MAGED1: variants seen among roughly 807,000 people sequenced by gnomAD.
MAGED1 encodes the protein MAGE family member D1.
MAGED1 carries 3 observed loss-of-function variants against 54.1 expected under a neutral mutation model. That is an observed-to-expected ratio of 0.06 (90% CI 0.03 to 0.14). MAGED1 has a LOEUF of 0.14. Ranked by LOEUF, MAGED1 falls within the 10% of genes least tolerant of loss-of-function variation. The probability of loss-of-function intolerance (pLI) is 1.00; values close to 1 mark genes in which losing one functional copy is unlikely to be tolerated. For synonymous variants in MAGED1, 217 were observed against 227.3 expected (o/e 0.95, Z 0.41); for missense variants, 485 against 623.4 (o/e 0.78, Z 2.36).
chrX:51,873,534 T>TGAGAGA lies in MAGED1; in HGVS notation c.-36-20714_-36-20709dup, dbSNP rs34476955. On this transcript the variant is annotated intron_variant, in intron 1 of 12. Coordinates refer to the MAGED1 transcript ENST00000375772. ...TAGACTGTGTGTGTGTGTGTGTGTG[T>TGAGAGA]GAGAGAGAGAGAGAGAGAGAGAGAG... 9.7e-3 allele frequency among the ~76,000 whole-genome samples: 882 copies of TGAGAGA among 90,516 alleles called. 16 individuals are homozygous for TGAGAGA. The highest frequency in any genetic ancestry group is 0.041 in the Admixed American group (327 of 7,931). The allele number at this position is 90,516 out of a possible 115,157, so 78.6% of individuals were successfully genotyped here. A position where few individuals can be genotyped will look rare whatever the true frequency, so the allele number is the denominator to read the frequency against.
Position 51,853,483 on chromosome X carries a change from C to A in MAGED1, c.-36-40786C>A, listed in dbSNP as rs893663. 2.7e-5 allele frequency among the ~76,000 whole-genome samples: 3 copies of A among 111,157 alleles called. No homozygotes were observed. In the South Asian group the frequency reaches 1.2e-3, roughly 43 times the overall value. Reference sequence around the variant, plus strand: ...GGGGTAGCCCTTTGAGGTCCCAGCTCATTGTTGGGAATGTCTCCTCTTAGT... The same window carrying A: ...GGGGTAGCCCTTTGAGGTCCCAGCTAATTGTTGGGAATGTCTCCTCTTAGT... On this transcript the variant is annotated intron_variant, in intron 1 of 12. Coordinates refer to the MAGED1 transcript ENST00000375772.
chrX:51,824,702 C>CGCTG (rs1925768729), intron 1 of MAGED1, among the ~76,000 whole-genome samples: 1 of 50,338 alleles, frequency 2.0e-5, no homozygotes, highest in South Asian at 1.3e-3. Context: ...TTTATATTGT[C>CGCTG]TCTGTGTGTG....
At chrX:51,819,567 G>T (rs782431609) in intron 1 of MAGED1, among the ~76,000 whole-genome samples, 1 of 110,747 alleles carries the variant, frequency 9.0e-6, no homozygotes, top group African/African-American at 3.3e-5. Flanking sequence ...GATGTTGAAC[G>T]TATTTCCATG....
At chrX:51,898,831 C>G in intron 10 of MAGED1, 188 bp downstream of exon 10, 1 of 382,886 alleles carries the variant, frequency 2.6e-6, no homozygotes, top group Non-Finnish European at 4.4e-6. Flanking sequence ...AACGAAACCC[C>G]ATCTCTACAA....
At chrX:51,813,975 T>C (rs181046771) in intron 1 of MAGED1, among the ~76,000 whole-genome samples, 35 of 111,356 alleles carry the variant, frequency 3.1e-4, no homozygotes, top group Non-Finnish European at 1.1e-4. Flanking sequence ...GGATCATGTG[T>C]CTCAGCCCAG....
chrX:51,897,893 TG>T lies in MAGED1; in HGVS notation c.1658+10del. ...TGGCTGGCATACTGGGAACGTAAGATGGGAAAGAAGGTGGAACATGGCCTTT... is the reference window on the plus strand; with the variant it reads ...TGGCTGGCATACTGGGAACGTAAGATGGAAAGAAGGTGGAACATGGCCTTT... On this transcript the variant is annotated splice_region_variant and intron_variant, in intron 7 of 12. Transcript: ENST00000326587. 1 of 1,168,616 alleles carries T rather than the reference TG, an allele frequency of 8.6e-7. No homozygotes were observed. The highest frequency in any genetic ancestry group is 1.2e-6 in the Non-Finnish European group (1 of 858,579).
At chrX:51,897,732 T>C in intron 6 of MAGED1, 63 bp from the exon 7 acceptor site, 1 of 1,057,143 alleles carries the variant, frequency 9.5e-7, no homozygotes, top group Middle Eastern at 2.5e-4. Context: ...GAGATGAGTG[T>C]CTGCCTATGG....
At chrX:51,834,972 C>A (rs1282088328) in intron 1 of MAGED1, among the ~76,000 whole-genome samples, 1 of 111,702 alleles carries the variant, frequency 9.0e-6, no homozygotes, top group Admixed American at 9.5e-5. Flanking sequence ...GTCTGGTTTT[C>A]GTATCAGGAT....
intron 1 of MAGED1, among the ~76,000 whole-genome samples, chrX:51,811,443 G>T (rs1925214736): frequency 8.9e-6 from 1 of 111,978 alleles, no homozygotes; most frequent in Admixed American, 9.5e-5. Flanking sequence ...ACAGGTTTGT[G>T]GTTTACCGGA....
intron 1 of MAGED1, among the ~76,000 whole-genome samples, chrX:51,840,878 A>G (rs1557358454): frequency 9.0e-6 from 1 of 110,734 alleles, no homozygotes; most frequent in East Asian, 2.8e-4. Flanking sequence ...TATTGTGAAT[A>G]GTGCTGCAAT....
At chrX:51,898,525 A>G in intron 9 of MAGED1, 56 bp from the exon 10 acceptor site, 1 of 1,087,636 alleles carries the variant, frequency 9.2e-7, no homozygotes. Flanking sequence ...TGTTCTGGAA[A>G]GCTCTTTGGG....
At chrX:51,830,872 T>G (rs1211791863) in intron 1 of MAGED1, among the ~76,000 whole-genome samples, 1 of 112,217 alleles carries the variant, frequency 8.9e-6, no homozygotes, top group Non-Finnish European at 1.9e-5. Flanking sequence ...ATTTATTTAT[T>G]TATTTACTGA....
At chrX:51,828,034 T>A (rs1925919954) in intron 1 of MAGED1, among the ~76,000 whole-genome samples, 1 of 112,162 alleles carries the variant, frequency 8.9e-6, no homozygotes. Context: ...TTTTTTAGAT[T>A]CAGTTTAGCT....
rs782122591 is a variant in MAGED1 at position 51,895,642 on chromosome X, T to C, written c.635T>C (p.Ile212Thr). The C allele has an allele frequency of 8.3e-6, 10 of 1,208,479 alleles. No individual in the cohort carries two copies. The South Asian group carries it at 1.2e-4, about 15-fold the overall frequency. ...QAKMATSQADIETDPGISEPD... is the reference protein window; with the variant it reads ...QAKMATSQADTETDPGISEPD... ...AAAATGGCCACTTCCCAGGCTGACA[T>C]AGAGACCGACCCAGGTATCTCTGAA... The change falls in exon 3 of 13, where the codon ATA becomes ACA. Residue 212 changes from isoleucine (I) to threonine (T), a missense_variant. Coordinates refer to ENST00000326587, the MANE Select transcript of MAGED1 (RefSeq NM_006986.4).
intron 1 of MAGED1, among the ~76,000 whole-genome samples, chrX:51,833,162 A>G (rs1024286527): frequency 1.4e-4 from 16 of 111,589 alleles, no homozygotes; most frequent in Admixed American, 1.4e-3. Context: ...GACAAATCCC[A>G]TATGTGAATC....
At chrX:51,837,924 C>T (rs1392126895) in intron 1 of MAGED1, among the ~76,000 whole-genome samples, 2 of 112,698 alleles carry the variant, frequency 1.8e-5, no homozygotes, top group African/African-American at 6.4e-5. Flanking sequence ...AAAGACATTT[C>T]TAGCACTTAG....
intron 1 of MAGED1, among the ~76,000 whole-genome samples, chrX:51,839,503 T>C (rs1316713623): frequency 3.6e-5 from 4 of 112,053 alleles, no homozygotes; most frequent in African/African-American, 1.3e-4. Context: ...GAGAAAACTG[T>C]TTTATAAGAA....
intron 1 of MAGED1, among the ~76,000 whole-genome samples, chrX:51,818,565 A>G (rs1414255048): frequency 3.6e-5 from 4 of 112,231 alleles, no homozygotes; most frequent in African/African-American, 9.7e-5. Context: ...TATGGATGAT[A>G]CCACAAGCAT....
intron 1 of MAGED1, among the ~76,000 whole-genome samples, chrX:51,876,853 C>G (rs1427100281): frequency 9.0e-6 from 1 of 111,010 alleles, no homozygotes; most frequent in African/African-American, 3.3e-5. Context: ...CAATAACCTG[C>G]TAAATTTATA....
Sources: allele counts gnomAD v4.1 joint callset (sites outside exome capture counted in the v4.1 genomes callset), GRCh38; gene constraint gnomAD v4.1.1; transcripts MANE v1.5; gene names NCBI Gene and HGNC (gene_info 2026-07-23, HGNC 2026-07-21).